The following BRAF variants were observed in gnomAD, a reference collection of about 807,000 sequenced individuals.
BRAF encodes the protein serine/threonine-protein kinase B-raf.
Under a neutral mutation model 104.6 loss-of-function variants are expected in BRAF, and 16 were observed. The ratio of observed to expected loss-of-function variants is 0.15; its 90% CI spans 0.10 to 0.23. The LOEUF (loss-of-function observed/expected upper bound fraction) is 0.23. BRAF is among the 10% of genes least tolerant of loss of function. BRAF has a pLI of 1.00. For synonymous variants in BRAF, 310 were observed against 341.6 expected, an observed-to-expected ratio of 0.91 and a Z score of 1.02; for missense variants, 541 against 937.3, an observed-to-expected ratio of 0.58 and a Z score of 5.52.
chr7:140,808,925 G>C lies in BRAF; in HGVS notation c.575C>G (p.Pro192Arg). ...AATTCTGTAAACAGCACAGCACTCT[G>C]GGATTAGACCTCTCATCATCAGTGC... is the stretch of plus-strand genomic sequence containing the variant. ...KKALMMRGLI[P>R]ECCAVYRIQD... The change falls in exon 4 of 20, where the codon CCA (proline) becomes CGA (arginine). Residue 192 changes from proline (P) to arginine (R), a missense_variant. Pro to Arg is a moderately radical substitution (Grantham distance 103, BLOSUM62 -2). This residue lies in a region of BRAF where 26 missense variants were observed against 74.4 expected (regional missense o/e 0.35). Transcript: ENST00000644969. 1 of 1,612,434 alleles carries C rather than the reference G, an allele frequency of 6.2e-7. No homozygotes were observed. Among genetic ancestry groups the C allele is most frequent in the Non-Finnish European group, 8.5e-7 (1 of 1,179,606 alleles).
chr7:140,831,374 C>T (rs1052348859), intron 3 of BRAF, among the ~76,000 whole-genome samples: 5 of 152,142 alleles, frequency 3.3e-5, no homozygotes, highest in South Asian at 2.1e-4. Context: ...GGTAGATTAA[C>T]GTTTACTTTT....
At chr7:140,876,300 C>T (rs1256062730) in intron 1 of BRAF, among the ~76,000 whole-genome samples, 1 of 152,108 alleles carries the variant, frequency 6.6e-6, no homozygotes. Context: ...GGAGTGATCA[C>T]TAAAACTATA....
intron 18 of BRAF, 44 bp from the exon 18 acceptor site, chr7:140,734,814 G>C: frequency 2.8e-6 from 3 of 1,064,180 alleles, no homozygotes; most frequent in African/African-American, 5.0e-5. Flanking sequence ...AAAGAAAAAA[G>C]AAAAAAAAAG....
At chr7:140,827,973 C>T (rs538643133) in intron 3 of BRAF, among the ~76,000 whole-genome samples, 3 of 152,104 alleles carry the variant, frequency 2.0e-5, no homozygotes, top group Non-Finnish European at 2.9e-5. Flanking sequence ...CTCGGCTCAC[C>T]GCAACCTCCA....
At chr7:140,893,016 CA>C (rs1814435269) in intron 1 of BRAF, among the ~76,000 whole-genome samples, 1 of 152,122 alleles carries the variant, frequency 6.6e-6, no homozygotes, top group Non-Finnish European at 1.5e-5. Flanking sequence ...ATTTGATGTC[CA>C]ACTTCACTAT....
chr7:140,846,776 A>G (rs1427358607), intron 2 of BRAF, among the ~76,000 whole-genome samples: 1 of 152,202 alleles, frequency 6.6e-6, no homozygotes, highest in African/African-American at 2.4e-5. Context: ...AGTAATCAGT[A>G]GATCTAGCTC....
chr7:140,790,574 A>G (rs1212846574), intron 8 of BRAF, among the ~76,000 whole-genome samples: 2 of 152,194 alleles, frequency 1.3e-5, no homozygotes. Flanking sequence ...TCAAACCACT[A>G]TGGAAGGCAA....
chr7:140,724,005 T>C lies in BRAF; in HGVS notation c.*2489A>G. 6 of 1,042,606 alleles carry C rather than the reference T, an allele frequency of 5.8e-6. No homozygotes were observed. Among genetic ancestry groups the C allele is most frequent in the Non-Finnish European group, 6.9e-6 (6 of 864,832 alleles). 64.6% of individuals were successfully genotyped at this position (1,042,606 alleles called of 1,614,324 possible). On this transcript the variant is annotated 3_prime_UTR_variant, in exon 20 of 20. Transcript: ENST00000644969. ...AGGAAGAAAAGAGAGGTTTAAATAT[T>C]TTATTTTTTAAGGTATCTATAAAAA...
At chr7:140,902,734 A>T (rs887454042) in intron 1 of BRAF, among the ~76,000 whole-genome samples, 8 of 152,190 alleles carry the variant, frequency 5.3e-5, no homozygotes, top group African/African-American at 1.7e-4. Flanking sequence ...GGAGTTTGAG[A>T]CCAGCCTAGC....
In BRAF at chr7:140,719,485, C is replaced by T. The variant is rs1795219885; in HGVS notation, c.*7009G>A. ...TGAATTTCAGCTATCTTTTTTTATT[C>T]TCCATGCTTTCTATCCAAACTGAAC... On this transcript the variant is annotated 3_prime_UTR_variant, in exon 20 of 20. Transcript: ENST00000644969. The T allele has an allele frequency of 2.0e-6, 2 of 1,020,664 alleles. No individual in the cohort carries two copies. The highest frequency in any genetic ancestry group is 1.7e-5 in the African/African-American group (1 of 59,178). 63.2% of individuals were successfully genotyped at this position (1,020,664 alleles called of 1,614,324 possible). A position where few individuals can be genotyped will look rare whatever the true frequency, so the allele number is the denominator to read the frequency against.
intron 13 of BRAF, 37 bp from the exon 13 acceptor site, chr7:140,777,125 GACAA>G: frequency 1.9e-6 from 3 of 1,602,010 alleles, no homozygotes; most frequent in Non-Finnish European, 2.6e-6. Context: ...ATTAAATGTC[GACAA>G]ACTTTAGCAA....
rs535672556 is a variant in BRAF at position 140,873,903 on chromosome 7, A to G, written c.139-23691T>C. On this transcript the variant is annotated intron_variant, in intron 1 of 19. Transcript: ENST00000644969. ...ACTGGCCTTGAAATATTTGAACAAAACCTCTGACAAATCTTTAGCTTGACA... is the reference window on the plus strand; with the variant it reads ...ACTGGCCTTGAAATATTTGAACAAAGCCTCTGACAAATCTTTAGCTTGACA... Among the ~76,000 whole-genome samples, 5 of 152,168 alleles carry G rather than the reference A, an allele frequency of 3.3e-5. No individual in the cohort carries two copies. The South Asian group carries it at 1.0e-3, about 32-fold the overall frequency.
intron 14 of BRAF, among the ~76,000 whole-genome samples, chr7:140,776,060 G>C (rs1422551362): frequency 6.6e-6 from 1 of 152,150 alleles, no homozygotes; most frequent in Non-Finnish European, 1.5e-5. Flanking sequence ...CACCTTTGGT[G>C]CCACTTATTA....
intron 14 of BRAF, among the ~76,000 whole-genome samples, chr7:140,761,046 A>G (rs1194379447): frequency 6.6e-6 from 1 of 152,192 alleles, no homozygotes; most frequent in African/African-American, 2.4e-5. Context: ...GAACGCCACA[A>G]AGATACTCCT....
intron 1 of BRAF, among the ~76,000 whole-genome samples, chr7:140,876,963 C>T (rs767269337): frequency 2.6e-5 from 4 of 151,754 alleles, no homozygotes; most frequent in Non-Finnish European, 5.9e-5. Context: ...TAGAATTAAA[C>T]TAGAAATAGA....
At chr7:140,894,221 G>A (rs1345729334) in intron 1 of BRAF, among the ~76,000 whole-genome samples, 2 of 152,142 alleles carry the variant, frequency 1.3e-5, no homozygotes, top group African/African-American at 4.8e-5. Context: ...AGAAATGAAG[G>A]CCACGGTGGA....
At chr7:140,891,912 C>CTGTA (rs993218766) in intron 1 of BRAF, among the ~76,000 whole-genome samples, 59 of 152,290 alleles carry the variant, frequency 3.9e-4, no homozygotes, top group African/African-American at 1.4e-3. Context: ...TTAGCATATA[C>CTGTA]TACACACAAG....
chr7:140,834,871 G>A lies in BRAF; in HGVS notation c.242C>T (p.Ala81Val), dbSNP rs1371538157. 2.5e-6 allele frequency: 4 copies of A among 1,613,786 alleles called. No individual in the cohort carries two copies. Among genetic ancestry groups the A allele is most frequent in the Non-Finnish European group, 3.4e-6 (4 of 1,179,884 alleles). The change falls in exon 3 of 20, where the codon GCC (alanine) becomes GTC (valine). Residue 81 changes from alanine (A) to valine (V), a missense_variant and splice_region_variant. By Grantham distance (64) the Ala-to-Val change is moderately conservative (BLOSUM62 0). Coordinates refer to ENST00000644969, the MANE Select transcript of BRAF (RefSeq NM_001374258.1). Reference protein sequence around the residue: ...EHNPPSIYLEAYEEYTSKLDA... With the variant: ...EHNPPSIYLEVYEEYTSKLDA... Reference sequence around the variant, plus strand: ...TAGCTTGCTGGTGTATTCTTCATAGGCCTATAAAATAAAGCAGACTTATAT... The same window carrying A: ...TAGCTTGCTGGTGTATTCTTCATAGACCTATAAAATAAAGCAGACTTATAT...
At chr7:140,871,707 G>A (rs1259986890) in intron 1 of BRAF, among the ~76,000 whole-genome samples, 1 of 152,096 alleles carries the variant, frequency 6.6e-6, no homozygotes, top group Non-Finnish European at 1.5e-5. Context: ...AAATTGTAGA[G>A]CTGTGCTGTC....
Sources: gnomAD v4.1 joint callset for allele counts (sites outside exome capture counted in the v4.1 genomes callset) on GRCh38, gnomAD v4.1.1 for gene constraint, gnomAD v4.1.1 regional missense constraint, MANE v1.5 for transcripts, NCBI Gene and HGNC (gene_info 2026-07-23, HGNC 2026-07-21) for gene names.